Variants in INSR observed in about 807,000 individuals in gnomAD.
INSR encodes the protein insulin receptor.
In INSR, 67 loss-of-function variants were observed where a neutral mutation model predicts 142.6. The observed-to-expected ratio is 0.47, with a 90% CI of 0.39 to 0.58. INSR has a LOEUF of 0.58. Among genes scored for constraint, INSR ranks in the 20% least tolerant of loss-of-function variants. INSR has a pLI of 0.00. For synonymous variants in INSR, 756 were observed against 743.1 expected (o/e 1.02, Z -0.28); for missense variants, 1,248 against 1,833.2 (o/e 0.68, Z 5.83).
intron 8 of INSR, among the ~76,000 whole-genome samples, chr19:7,164,654 CAAAAAA>C (rs539037803): frequency 0.3 from 22,520 of 75,942 alleles, 1,954 homozygotes; most frequent in Admixed American, 0.34. Flanking sequence ...CTTGTCTCTA[CAAAAAA>C]AAAAAAAAAA....
At chr19:7,256,213 G>A (rs956148124) in intron 2 of INSR, among the ~76,000 whole-genome samples, 3 of 152,158 alleles carry the variant, frequency 2.0e-5, no homozygotes, top group Non-Finnish European at 4.4e-5. Flanking sequence ...CAAAGTGGGA[G>A]GATCACCTGA....
At chr19:7,230,815 AAAAAAAT>A (rs1975948869) in intron 2 of INSR, among the ~76,000 whole-genome samples, 1 of 151,590 alleles carries the variant, frequency 6.6e-6, no homozygotes, top group South Asian at 2.1e-4. Flanking sequence ...CAAAAATAAA[AAAAAAAT>A]AAAAAATATT....
At chr19:7,288,121 G>C (rs1181886308) in intron 1 of INSR, among the ~76,000 whole-genome samples, 1 of 151,990 alleles carries the variant, frequency 6.6e-6, no homozygotes, top group Non-Finnish European at 1.5e-5. Flanking sequence ...GCACTTGGGA[G>C]GCCCAGGAGG....
rs571933869 is a variant in INSR at position 7,117,631 on chromosome 19, G to A, written c.3795-221C>T. On this transcript the variant is annotated intron_variant, in intron 21 of 21. Coordinates refer to ENST00000302850, the MANE Select transcript of INSR (RefSeq NM_000208.4). The stretch of plus-strand genomic sequence containing the variant: ...TTTTCTTCTTCTTATTTTGGACACA[G>A]CGTCTCATTCTGTCACCCAGGCTGG... Among the ~76,000 whole-genome samples, 8 of 152,272 alleles carry A rather than the reference G, an allele frequency of 5.3e-5. No homozygotes were observed. In the East Asian group the frequency reaches 1.4e-3, roughly 26 times the overall value.
chr19:7,258,086 A>G (rs1976951160), intron 2 of INSR, among the ~76,000 whole-genome samples: 1 of 152,084 alleles, frequency 6.6e-6, no homozygotes, highest in Admixed American at 6.6e-5. Flanking sequence ...TCGGCCTCCC[A>G]AGGTGCTGGG....
rs917968562 is a variant in INSR, at chr19:7,172,306, C to T, written c.1252G>A (p.Glu418Lys). The T allele has an allele frequency of 1.9e-6, 3 of 1,614,050 alleles. No individual in the cohort carries two copies. The Admixed American group carries it at 5.0e-5, about 27-fold the overall frequency. ...FFRKLRLIRGETLEIGNYSFY... is the reference protein window; with the variant it reads ...FFRKLRLIRGKTLEIGNYSFY... ...CCCACGTACCCAATTTCCAAGGTCT[C>T]TCCTCGAATCAGACGTAACTTCCGG... Residue 418 changes from glutamate (E) to lysine (K), a missense_variant, in exon 5 of 22, where the codon GAG (glutamate) becomes AAG (lysine). Coordinates refer to ENST00000302850, the MANE Select transcript of INSR (RefSeq NM_000208.4).
intron 2 of INSR, among the ~76,000 whole-genome samples, chr19:7,223,587 A>G (rs1975687077): frequency 6.6e-6 from 1 of 152,180 alleles, no homozygotes; most frequent in Non-Finnish European, 1.5e-5. Flanking sequence ...CAATTCTAGG[A>G]GGATCAGGAA....
chr19:7,188,075 A>G (rs955309464), intron 2 of INSR, among the ~76,000 whole-genome samples: 8 of 151,872 alleles, frequency 5.3e-5, no homozygotes, highest in South Asian at 2.1e-4. Flanking sequence ...ACCTTGCACA[A>G]GCTGTTCTGG....
intron 1 of INSR, 94 bp downstream of exon 1, chr19:7,293,698 T>G: frequency 6.9e-6 from 7 of 1,010,750 alleles, no homozygotes; most frequent in Non-Finnish European, 6.3e-6. Flanking sequence ...CTGGGGAGGG[T>G]TCTCAGTCCA....
At chr19:7,142,437 G>A (rs1042493661) in intron 12 of INSR, among the ~76,000 whole-genome samples, 18 of 138,682 alleles carry the variant, frequency 1.3e-4, no homozygotes, top group African/African-American at 4.4e-4. Flanking sequence ...GCTCATGCCT[G>A]TAATCCCAGC....
At chr19:7,273,562 A>G (rs1294099663) in intron 1 of INSR, among the ~76,000 whole-genome samples, 4 of 149,748 alleles carry the variant, frequency 2.7e-5, no homozygotes, top group Non-Finnish European at 4.4e-5. Flanking sequence ...TCTGTTGCCC[A>G]GGCTGGAGTG....
At chr19:7,139,181 G>C (rs547743107) in intron 13 of INSR, among the ~76,000 whole-genome samples, 1 of 152,302 alleles carries the variant, frequency 6.6e-6, no homozygotes, top group South Asian at 2.1e-4. Flanking sequence ...TGTGAATGAG[G>C]CCATCCAGCC....
intron 11 of INSR, among the ~76,000 whole-genome samples, chr19:7,144,990 A>C (rs775328148): frequency 6.6e-6 from 1 of 151,836 alleles, no homozygotes; most frequent in Non-Finnish European, 1.5e-5. Flanking sequence ...TCTTTAACCC[A>C]AGAGATTAAA....
chr19:7,224,530 G>A (rs1052781116), intron 2 of INSR, among the ~76,000 whole-genome samples: 7 of 152,156 alleles, frequency 4.6e-5, no homozygotes, highest in Admixed American at 3.9e-4. Flanking sequence ...CCTCCACGAA[G>A]CCCAGGCGAC....
intron 1 of INSR, among the ~76,000 whole-genome samples, chr19:7,270,339 T>TCACACACACACACACACACACA (rs1178953100): frequency 8.3e-6 from 1 of 120,248 alleles, no homozygotes; most frequent in African/African-American, 3.4e-5. Flanking sequence ...TCTCTCTCTC[T>TCACACACACACACACACACACA]CACACACACA....
intron 2 of INSR, among the ~76,000 whole-genome samples, chr19:7,260,915 T>A (rs1356054763): frequency 6.7e-6 from 1 of 149,448 alleles, no homozygotes; most frequent in Non-Finnish European, 1.5e-5. Flanking sequence ...TCTCACCGAG[T>A]CTCACTCTGT....
intron 2 of INSR, among the ~76,000 whole-genome samples, chr19:7,217,351 T>A (rs746557591): frequency 6.6e-6 from 1 of 152,066 alleles, no homozygotes; most frequent in Non-Finnish European, 1.5e-5. Context: ...TCTAGGATCA[T>A]CCCCCCGTCT....
At chr19:7,253,223 T>TA (rs1164632356) in intron 2 of INSR, among the ~76,000 whole-genome samples, 4 of 139,124 alleles carry the variant, frequency 2.9e-5, no homozygotes, top group African/African-American at 5.2e-5. Context: ...ATTTTTTATT[T>TA]ATTTATTTGT....
At chr19:7,244,931 C>CT (rs370936908) in intron 2 of INSR, among the ~76,000 whole-genome samples, 1,092 of 87,962 alleles carry the variant, frequency 0.012, 7 homozygotes, top group African/African-American at 0.016. Context: ...TTTGTTTTTG[C>CT]TTTTTTTTTT....
Sources: allele counts gnomAD v4.1 joint callset (sites outside exome capture counted in the v4.1 genomes callset), GRCh38; gene constraint gnomAD v4.1.1; transcripts MANE v1.5; gene names NCBI Gene and HGNC (gene_info 2026-07-23, HGNC 2026-07-21).